NNT: variants seen among roughly 807,000 people sequenced by gnomAD.
NNT encodes the protein nicotinamide nucleotide transhydrogenase.
Under a neutral mutation model 104.8 loss-of-function variants are expected in NNT, and 50 were observed. The observed-to-expected ratio is 0.48, with a 90% CI of 0.38 to 0.60. The LOEUF is 0.60. Ranked by LOEUF, NNT falls within the 20% of genes least tolerant of loss-of-function variation. The pLI, the probability that NNT is intolerant of heterozygous loss-of-function variation, is 0.00. For synonymous variants in NNT, 461 were observed against 490.4 expected (o/e 0.94, Z 0.79); for missense variants, 1,131 against 1,330.7 (o/e 0.85, Z 2.33).
At chr5:43,697,282 T>G (rs1742607742) in intron 19 of NNT, among the ~76,000 whole-genome samples, 1 of 152,204 alleles carries the variant, frequency 6.6e-6, no homozygotes, top group African/African-American at 2.4e-5. Flanking sequence ...CGTCATTCTC[T>G]TTGCTAAGAC....
chr5:43,648,324 T>G, intron 10 of NNT: 3 of 802,034 alleles, frequency 3.7e-6, no homozygotes, highest in Non-Finnish European at 4.6e-6. Context: ...AAAGTTAACT[T>G]CTAGTTCCCT....
At chr5:43,646,966 G>A (rs188264998) in intron 10 of NNT, among the ~76,000 whole-genome samples, 1 of 151,998 alleles carries the variant, frequency 6.6e-6, no homozygotes, top group South Asian at 2.1e-4. Flanking sequence ...GCTGAAATAC[G>A]GATATTTGAT....
intron 7 of NNT, among the ~76,000 whole-genome samples, chr5:43,641,868 T>C (rs1293513830): frequency 6.6e-6 from 1 of 152,236 alleles, no homozygotes; most frequent in African/African-American, 2.4e-5. Context: ...GTCCATGTGT[T>C]TTTCAAAGTT....
At chr5:43,670,178 A>C (rs533921684) in intron 17 of NNT, among the ~76,000 whole-genome samples, 2 of 151,640 alleles carry the variant, frequency 1.3e-5, no homozygotes, top group East Asian at 3.9e-4. Context: ...CTCTTTTCTT[A>C]TTTATTAGTC....
At chr5:43,634,420 A>G (rs1750832604) in intron 7 of NNT, among the ~76,000 whole-genome samples, 1 of 152,178 alleles carries the variant, frequency 6.6e-6, no homozygotes. Context: ...ATTGTTTTTG[A>G]TGACTAAAGT....
chr5:43,607,318 G>A (rs1380732266), intron 1 of NNT, among the ~76,000 whole-genome samples: 2 of 152,136 alleles, frequency 1.3e-5, no homozygotes, highest in African/African-American at 4.8e-5. Flanking sequence ...ATTTGTTTGT[G>A]CCCAACCCTA....
At chr5:43,675,785 G>A (rs1023082888) in intron 18 of NNT, 115 bp downstream of exon 18, 22 of 738,582 alleles carry the variant, frequency 3.0e-5, no homozygotes, top group South Asian at 1.1e-4. Flanking sequence ...AAAATATAAT[G>A]GAAACAATAG....
At chr5:43,659,990 C>A (rs1323203813) in intron 17 of NNT, among the ~76,000 whole-genome samples, 1 of 152,106 alleles carries the variant, frequency 6.6e-6, no homozygotes. Context: ...TTTAAAAAAA[C>A]TTATATACTA....
intron 19 of NNT, among the ~76,000 whole-genome samples, chr5:43,698,819 CATACACATAT>C (rs1742696625): frequency 6.6e-6 from 1 of 151,218 alleles, no homozygotes; most frequent in Admixed American, 6.6e-5. Context: ...TATATGCATA[CATACACATAT>C]ATACACATAC....
At chr5:43,682,314 G>A (rs774209521) in intron 19 of NNT, among the ~76,000 whole-genome samples, 2 of 149,124 alleles carry the variant, frequency 1.3e-5, no homozygotes, top group South Asian at 2.1e-4. Context: ...AGGTTTAAGC[G>A]ATTCTCCCAC....
intron 19 of NNT, among the ~76,000 whole-genome samples, chr5:43,696,465 C>G (rs1353957464): frequency 2.0e-5 from 3 of 152,144 alleles, no homozygotes; most frequent in Non-Finnish European, 4.4e-5. Context: ...GCAGATTTTT[C>G]CAGGTGCACA....
At chr5:43,618,201 T>C (rs1561266341) in intron 4 of NNT, among the ~76,000 whole-genome samples, 1 of 152,254 alleles carries the variant, frequency 6.6e-6, no homozygotes, top group African/African-American at 2.4e-5. Flanking sequence ...GCATTTTCTA[T>C]GTGACAGGCT....
chr5:43,618,922 A>G (rs1749924549), intron 4 of NNT, 110 bp from the exon 5 acceptor site: 3 of 529,548 alleles, frequency 5.7e-6, no homozygotes, highest in Non-Finnish European at 8.9e-6. Context: ...CTACATAAAT[A>G]TTAGCTATTA....
At position 43,656,633 on chromosome 5, in the gene NNT, T is replaced by C. The variant is rs1194897098; in HGVS notation, c.2294-20T>C. On this transcript the variant is annotated intron_variant, in intron 15 of 21. Coordinates refer to ENST00000344920, the MANE Select transcript of NNT (RefSeq NM_182977.3). The stretch of plus-strand genomic sequence containing the variant: ...CTTACAACACATTCTGAATTGTAAC[T>C]ACTATGTGCTTGGCTCTAGGTCTCC... 6.3e-7 allele frequency: 1 copy of C among 1,588,228 alleles called. No individual in the cohort carries two copies. Among genetic ancestry groups the C allele is most frequent in the East Asian group, 2.2e-5 (1 of 44,596 alleles).
intron 7 of NNT, among the ~76,000 whole-genome samples, chr5:43,642,063 G>A (rs1216861791): frequency 1.3e-5 from 2 of 152,202 alleles, no homozygotes; most frequent in African/African-American, 2.4e-5. Flanking sequence ...GAGAAAGAAG[G>A]AGTCTCACAT....
intron 16 of NNT, 72 bp downstream of exon 16, chr5:43,656,885 T>G: frequency 7.0e-7 from 1 of 1,423,442 alleles, no homozygotes; most frequent in Admixed American, 2.3e-5. Flanking sequence ...TAAAGTGTAA[T>G]CATATTTTTA....
At chr5:43,651,340 G>T (rs2111894334) in intron 12 of NNT, among the ~76,000 whole-genome samples, 1 of 152,246 alleles carries the variant, frequency 6.6e-6, no homozygotes. Context: ...ACTTTGGGAG[G>T]TCAAGGCGGG....
intron 19 of NNT, among the ~76,000 whole-genome samples, 167 bp from the exon 20 acceptor site, chr5:43,699,952 T>C (rs746188569): frequency 6.6e-6 from 1 of 152,200 alleles, no homozygotes. Context: ...TATTTGTAAA[T>C]TGACTATATA....
At chr5:43,618,286 C>T (rs1232368549) in intron 4 of NNT, among the ~76,000 whole-genome samples, 6 of 152,098 alleles carry the variant, frequency 3.9e-5, no homozygotes, top group Non-Finnish European at 8.8e-5. Context: ...TTTGTCCTTA[C>T]TTTATAGATG....
Sources: allele counts gnomAD v4.1 joint callset (sites outside exome capture counted in the v4.1 genomes callset), GRCh38; gene constraint gnomAD v4.1.1; transcripts MANE v1.5; gene names NCBI Gene and HGNC (gene_info 2026-07-23, HGNC 2026-07-21).